The following SGIP1 variants were observed in gnomAD, a reference collection of about 807,000 sequenced individuals.
The protein encoded by SGIP1 is SH3GL interacting endocytic adaptor 1, also known as SH3-containing GRB2-like protein 3-interacting protein 1.
In SGIP1, 38 loss-of-function variants were observed where a neutral mutation model predicts 107.5. That is an observed-to-expected ratio of 0.35 (90% confidence interval 0.27 to 0.46). The LOEUF is 0.46. Among genes scored for constraint, SGIP1 ranks in the 20% least tolerant of loss-of-function variants. SGIP1 has a pLI of 1.00. For missense variants in SGIP1, 929 were observed against 1,019.5 expected, an observed-to-expected ratio of 0.91 and a Z score of 1.21; for synonymous variants, 365 against 366.1, an observed-to-expected ratio of 1.00 and a Z score of 0.03.
At chr1:66,537,866 A>G (rs534876101) in intron 1 of SGIP1, among the ~76,000 whole-genome samples, 85 of 152,222 alleles carry the variant, frequency 5.6e-4, no homozygotes, top group African/African-American at 1.9e-3. Context: ...ATTTGAACCT[A>G]CATCCATTTA....
intron 7 of SGIP1, among the ~76,000 whole-genome samples, chr1:66,659,394 G>T (rs1171634037): frequency 6.6e-6 from 1 of 152,196 alleles, no homozygotes; most frequent in African/African-American, 2.4e-5. Context: ...AATTAAGGAT[G>T]GGATCAAAGA....
chr1:66,717,435 G>T (rs1279088912), intron 18 of SGIP1, among the ~76,000 whole-genome samples: 1 of 152,146 alleles, frequency 6.6e-6, no homozygotes, highest in Non-Finnish European at 1.5e-5. Flanking sequence ...AATTCAACAT[G>T]TATTTAGTGA....
Position 66,687,132 on chromosome 1 carries a change from C to A in SGIP1, c.1316-2016C>A, listed in dbSNP as rs1423001970. Reference sequence around the variant, plus strand: ...GCATCACTAAAAGGAGTTTAAATTTCTTTTTTCTGGAGCATGTAGGAAAAG... The same window carrying A: ...GCATCACTAAAAGGAGTTTAAATTTATTTTTTCTGGAGCATGTAGGAAAAG... On this transcript the variant is annotated intron_variant, in intron 15 of 24. Coordinates refer to ENST00000371037, the MANE Select transcript of SGIP1 (RefSeq NM_032291.4). 2.0e-5 allele frequency among the ~76,000 whole-genome samples: 3 copies of A among 152,176 alleles called. No homozygotes were observed. The East Asian group carries it at 5.8e-4, about 29-fold the overall frequency.
intron 5 of SGIP1, 65 bp downstream of exon 5, chr1:66,639,898 T>G: frequency 3.0e-6 from 4 of 1,344,550 alleles, no homozygotes; most frequent in Non-Finnish European, 4.2e-6. Context: ...GTTGAGGCAT[T>G]CTTATAATAG....
intron 7 of SGIP1, among the ~76,000 whole-genome samples, chr1:66,655,532 A>T (rs9660797): frequency 6.6e-6 from 1 of 152,052 alleles, no homozygotes; most frequent in African/African-American, 2.4e-5. Context: ...CAATTTTATC[A>T]TTGTGTGCAC....
In SGIP1 at chr1:66,747,191, T is replaced by G. The variant is rs1362081495; in HGVS notation, c.*4096T>G. On this transcript the variant is annotated 3_prime_UTR_variant, in exon 25 of 25. Coordinates refer to ENST00000371037, the MANE Select transcript of SGIP1 (RefSeq NM_032291.4). ...TAAATTTGTATTGACAGCATAAACT[T>G]CTAGGGATGAGATTTGGGAATATAC... The G allele has an allele frequency of 1.3e-5, 2 of 152,076 alleles. No individual in the cohort carries two copies. The highest frequency in any genetic ancestry group is 2.9e-5 in the Non-Finnish European group (2 of 67,916). 9.4% of individuals were successfully genotyped at this position (152,076 alleles called of 1,614,324 possible).
intron 8 of SGIP1, 50 bp from the exon 9 acceptor site, chr1:66,667,480 A>T (rs764357167): frequency 6.3e-7 from 1 of 1,585,022 alleles, no homozygotes. Flanking sequence ...TGACTGATCC[A>T]TCATTCTCTG....
Position 66,621,617 on chromosome 1 carries a change from G to A in SGIP1, c.11-4230G>A, listed in dbSNP as rs554589174. 3.2e-3 allele frequency among the ~76,000 whole-genome samples: 494 copies of A among 152,138 alleles called. 2 individuals are homozygous for A. Among genetic ancestry groups the A allele is most frequent in the Non-Finnish European group, 5.9e-3 (400 of 68,000 alleles). On this transcript the variant is annotated intron_variant, in intron 1 of 24. Transcript: ENST00000371037. ...GCCATTCCCCTTTCCCACTCCACTC[G>A]GCCTCTGTCAACCTCCAATCTGCTT... is the stretch of plus-strand genomic sequence containing the variant.
chr1:66,667,931 T>C (rs1012813789), intron 9 of SGIP1, among the ~76,000 whole-genome samples: 12 of 152,196 alleles, frequency 7.9e-5, no homozygotes, highest in African/African-American at 2.9e-4. Flanking sequence ...TGTAAGGACA[T>C]CATTTTTAAG....
intron 15 of SGIP1, among the ~76,000 whole-genome samples, chr1:66,685,448 C>T (rs1024145968): frequency 2.2e-4 from 33 of 152,184 alleles, no homozygotes; most frequent in African/African-American, 7.5e-4. Context: ...TCTCTTCTCC[C>T]ATGTGGGTTG....
chr1:66,740,832 A>C, intron 23 of SGIP1, 110 bp downstream of exon 23: 1 of 693,204 alleles, frequency 1.4e-6, no homozygotes, highest in Non-Finnish European at 2.4e-6. Flanking sequence ...AGAATATTTC[A>C]CTCCATTTTT....
chr1:66,612,251 G>A (rs143099367), intron 1 of SGIP1, among the ~76,000 whole-genome samples: 3 of 152,248 alleles, frequency 2.0e-5, no homozygotes, highest in African/African-American at 4.8e-5. Flanking sequence ...CTCATCCACC[G>A]CTTTGAGAAT....
intron 22 of SGIP1, among the ~76,000 whole-genome samples, 192 bp downstream of exon 22, chr1:66,739,729 A>T (rs2094386010): frequency 6.6e-6 from 1 of 152,206 alleles, no homozygotes; most frequent in South Asian, 2.1e-4. Flanking sequence ...TGCTTACACA[A>T]TGGTGGAAGT....
chr1:66,534,519 T>A, intron 1 of SGIP1, 151 bp downstream of exon 1: 1 of 865,212 alleles, frequency 1.2e-6, no homozygotes, highest in East Asian at 2.5e-5. Context: ...TTGCAGTGGA[T>A]CTGGGCTCAG....
intron 15 of SGIP1, among the ~76,000 whole-genome samples, chr1:66,683,511 G>A (rs988952806): frequency 5.9e-5 from 9 of 151,970 alleles, no homozygotes; most frequent in African/African-American, 1.9e-4. Context: ...GAGTTCACCC[G>A]TACTGCACAC....
At chr1:66,615,475 A>C (rs2069043598) in intron 1 of SGIP1, among the ~76,000 whole-genome samples, 1 of 152,202 alleles carries the variant, frequency 6.6e-6, no homozygotes, top group Admixed American at 6.5e-5. Context: ...ATTTAACTTG[A>C]ACGATTAAAT....
intron 1 of SGIP1, among the ~76,000 whole-genome samples, chr1:66,599,125 A>C (rs35156185): frequency 0.14 from 20,891 of 152,180 alleles, 2,036 homozygotes; most frequent in East Asian, 0.46. Flanking sequence ...GTATTTTTTC[A>C]AACAACTACT....
intron 21 of SGIP1, among the ~76,000 whole-genome samples, chr1:66,737,022 T>G (rs899923320): frequency 1.3e-5 from 2 of 152,156 alleles, no homozygotes; most frequent in African/African-American, 4.8e-5. Context: ...TAAAATATAA[T>G]AGAAAACACA....
intron 18 of SGIP1, among the ~76,000 whole-genome samples, chr1:66,717,740 A>G (rs1206212780): frequency 6.6e-6 from 1 of 152,180 alleles, no homozygotes; most frequent in Non-Finnish European, 1.5e-5. Context: ...AACAAGTTGT[A>G]TAAAGTCTTT....
Sources: allele counts gnomAD v4.1 joint callset (sites outside exome capture counted in the v4.1 genomes callset), GRCh38; gene constraint gnomAD v4.1.1; transcripts MANE v1.5; gene names NCBI Gene and HGNC (gene_info 2026-07-23, HGNC 2026-07-21).